KDM4C: variants seen among roughly 807,000 people sequenced by gnomAD.
The protein encoded by KDM4C is lysine demethylase 4C.
A neutral mutation model predicts 129.3 loss-of-function variants in KDM4C; 81 were observed. The observed-to-expected ratio is 0.63, with a 90% CI of 0.52 to 0.75. The LOEUF is 0.75. Ranked by LOEUF, KDM4C falls within the 30% of genes least tolerant of loss-of-function variation. The probability of loss-of-function intolerance (pLI) is 0.00; values close to 1 mark genes in which losing one functional copy is unlikely to be tolerated. For synonymous variants in KDM4C, 573 were observed against 456.1 expected, an observed-to-expected ratio of 1.26 and a Z score of -3.26; for missense variants, 1,457 against 1,304.0, an observed-to-expected ratio of 1.12 and a Z score of -1.81.
At chr9:7,075,902 G>A (rs1040975146) in intron 17 of KDM4C, among the ~76,000 whole-genome samples, 4 of 151,898 alleles carry the variant, frequency 2.6e-5, no homozygotes, top group Middle Eastern at 3.2e-3. Context: ...TTTTATTTGG[G>A]TGAAAATTTA....
At chr9:6,820,473 C>T (rs909216882) in intron 4 of KDM4C, among the ~76,000 whole-genome samples, 1 of 152,134 alleles carries the variant, frequency 6.6e-6, no homozygotes, top group Non-Finnish European at 1.5e-5. Flanking sequence ...GTGGATCTGA[C>T]CCATGGCCCC....
rs905257969 is a variant in KDM4C at position 7,137,387 on chromosome 9, C to T, written c.2781+9151C>T. 3.4e-4 allele frequency among the ~76,000 whole-genome samples: 51 copies of T among 152,172 alleles called. 2 individuals are homozygous for T. Among genetic ancestry groups the T allele is most frequent in the African/African-American group, 1.1e-3 (46 of 41,422 alleles). ...ATTCTTTGTTTCTTCTAATAACTAA[C>T]GTGGCCAGATGTCACTATCACTTCA... On this transcript the variant is annotated intron_variant, in intron 19 of 21. Coordinates refer to ENST00000381309, the MANE Select transcript of KDM4C (RefSeq NM_015061.6).
At chr9:7,085,515 A>C (rs1835009334) in intron 17 of KDM4C, among the ~76,000 whole-genome samples, 1 of 152,230 alleles carries the variant, frequency 6.6e-6, no homozygotes, top group South Asian at 2.1e-4. Flanking sequence ...ATACGGGGTC[A>C]TGATGGCTGA....
rs759876094 is a variant in KDM4C at position 6,814,764 on chromosome 9, T to G, written c.435+19T>G. 6 of 1,444,906 alleles carry G rather than the reference T, an allele frequency of 4.2e-6. No homozygotes were observed. The South Asian group carries it at 7.1e-5, about 17-fold the overall frequency. The allele number at this position is 1,444,906 out of a possible 1,614,324, so 89.5% of individuals were successfully genotyped here. A position where few individuals can be genotyped will look rare whatever the true frequency, so the allele number is the denominator to read the frequency against. On this transcript the variant is annotated intron_variant, in intron 4 of 21. Coordinates refer to ENST00000381309, the MANE Select transcript of KDM4C (RefSeq NM_015061.6). ...TGATGAGGTACATTCATATTTACAG[T>G]GAGTTTTGTAAAGATCATTGGATGT...
chr9:6,772,685 TC>T (rs1822130070), intron 1 of KDM4C, among the ~76,000 whole-genome samples: 1 of 146,204 alleles, frequency 6.8e-6, no homozygotes, highest in Admixed American at 6.9e-5. Context: ...TGATTTTTTT[TC>T]TTTTACTTTT....
chr9:6,840,029 A>G (rs549158694), intron 4 of KDM4C, among the ~76,000 whole-genome samples: 1 of 152,316 alleles, frequency 6.6e-6, no homozygotes, highest in South Asian at 2.1e-4. Context: ...GATATACTGG[A>G]CAGATGATAC....
intron 8 of KDM4C, among the ~76,000 whole-genome samples, chr9:6,904,370 G>A (rs919034096): frequency 6.0e-5 from 9 of 151,092 alleles, no homozygotes; most frequent in African/African-American, 1.5e-4. Flanking sequence ...TTGTTGTAGC[G>A]TATCCCAAAA....
chr9:7,117,408 G>A lies in KDM4C; in HGVS notation c.2611-10658G>A, dbSNP rs144831689. On this transcript the variant is annotated intron_variant, in intron 18 of 21. Coordinates refer to ENST00000381309, the MANE Select transcript of KDM4C (RefSeq NM_015061.6). ...CGTTATAGGCAGGAGTTACCACTGAGTGATACCCTGTGTCGCTTGCTTCTC... is the reference window on the plus strand; with the variant it reads ...CGTTATAGGCAGGAGTTACCACTGAATGATACCCTGTGTCGCTTGCTTCTC... 3.2e-3 allele frequency among the ~76,000 whole-genome samples: 489 copies of A among 152,210 alleles called. 5 individuals carry two copies. Among genetic ancestry groups the A allele is most frequent in the African/African-American group, 0.011 (457 of 41,530 alleles).
At chr9:6,897,091 T>C (rs1179467632) in intron 8 of KDM4C, among the ~76,000 whole-genome samples, 1 of 152,228 alleles carries the variant, frequency 6.6e-6, no homozygotes, top group African/African-American at 2.4e-5. Flanking sequence ...TGAATTATTG[T>C]ATTTAGGAGA....
At chr9:7,112,609 T>C (rs1255751243) in intron 18 of KDM4C, among the ~76,000 whole-genome samples, 1 of 152,222 alleles carries the variant, frequency 6.6e-6, no homozygotes, top group African/African-American at 2.4e-5. Flanking sequence ...ACTTTCAGTG[T>C]GCCCATCTAA....
intron 1 of KDM4C, among the ~76,000 whole-genome samples, chr9:6,738,453 C>T (rs749079453): frequency 7.4e-4 from 113 of 152,212 alleles, no homozygotes; most frequent in African/African-American, 2.5e-3. Context: ...CCAGCTTGGG[C>T]GACAGGTCCT....
At chr9:6,725,658 T>A (rs952611002) in intron 1 of KDM4C, among the ~76,000 whole-genome samples, 10 of 147,084 alleles carry the variant, frequency 6.8e-5, no homozygotes, top group South Asian at 2.2e-4. Flanking sequence ...TGGCTACTTT[T>A]AAAAATATTT....
chr9:7,128,132 C>T lies in KDM4C; in HGVS notation c.2677C>T (p.Arg893Trp), dbSNP rs41304753. 2.1e-5 allele frequency: 34 copies of T among 1,612,708 alleles called. No homozygotes were observed. The highest frequency in any genetic ancestry group is 2.6e-5 in the Non-Finnish European group (31 of 1,179,404). ...QTVITKHRNT[R>W]YYSCRVMAVT... is the part of the protein sequence containing the mutation. ...GGTCATCACGAAGCATCGGAACACC[C>T]GGTATTACAGTTGCAGAGTGATGGC... Residue 893 changes from arginine (R) to tryptophan (W), a missense_variant, in exon 19 of 22, where the codon CGG becomes TGG. Transcript: ENST00000381309.
chr9:7,109,486 GATT>G (rs1178034556), intron 18 of KDM4C, among the ~76,000 whole-genome samples: 2 of 152,140 alleles, frequency 1.3e-5, no homozygotes, highest in Non-Finnish European at 2.9e-5. Flanking sequence ...GTTCCAACAG[GATT>G]TTTATTTGGA....
intron 4 of KDM4C, among the ~76,000 whole-genome samples, chr9:6,845,800 C>G (rs141896857): frequency 1.2e-3 from 188 of 152,292 alleles, no homozygotes; most frequent in African/African-American, 3.6e-3. Context: ...GAATATTGCT[C>G]ATGTGCCTGC....
intron 19 of KDM4C, among the ~76,000 whole-genome samples, chr9:7,146,553 T>A (rs1183637263): frequency 6.6e-6 from 1 of 152,268 alleles, no homozygotes; most frequent in African/African-American, 2.4e-5. Flanking sequence ...TTATTCCTTA[T>A]GTAGGAGTTC....
chr9:6,981,503 C>G (rs10117892), intron 9 of KDM4C, among the ~76,000 whole-genome samples: 1 of 152,054 alleles, frequency 6.6e-6, no homozygotes, highest in Admixed American at 6.5e-5. Context: ...TGGTTATCTT[C>G]TTCATTTGTC....
At chr9:6,778,187 T>A (rs1823505123) in intron 1 of KDM4C, among the ~76,000 whole-genome samples, 1 of 151,636 alleles carries the variant, frequency 6.6e-6, no homozygotes, top group African/African-American at 2.4e-5. Context: ...CCTCCTGGGT[T>A]CAAGCAATTC....
chr9:6,747,649 A>T (rs1273057447), intron 1 of KDM4C, among the ~76,000 whole-genome samples: 2 of 152,184 alleles, frequency 1.3e-5, no homozygotes, highest in Non-Finnish European at 2.9e-5. Context: ...ATGGGAACGG[A>T]AAAGTCAGAT....
Sources: allele counts gnomAD v4.1 joint callset (sites outside exome capture counted in the v4.1 genomes callset), GRCh38; gene constraint gnomAD v4.1.1; transcripts MANE v1.5; gene names NCBI Gene and HGNC (gene_info 2026-07-23, HGNC 2026-07-21).